The following CARMIL1 variants were observed in gnomAD, a reference collection of about 807,000 sequenced individuals.
CARMIL1 encodes the protein capping protein regulator and myosin 1 linker 1.
A neutral mutation model predicts 177.1 loss-of-function variants in CARMIL1; 90 were observed. The observed-to-expected ratio is 0.51, with a 90% CI of 0.43 to 0.61. CARMIL1 has a LOEUF of 0.61. CARMIL1 is among the 20% of genes least tolerant of loss of function. The pLI is 0.00. For synonymous variants in CARMIL1, 577 were observed against 606.2 expected, an observed-to-expected ratio of 0.95 and a Z score of 0.71; for missense variants, 1,380 against 1,667.0, an observed-to-expected ratio of 0.83 and a Z score of 3.00.
chr6:25,330,873 T>C (rs949327416), intron 2 of CARMIL1, among the ~76,000 whole-genome samples: 1 of 147,730 alleles, frequency 6.8e-6, no homozygotes, highest in Non-Finnish European at 1.5e-5. Context: ...TTTTGCTGCT[T>C]TACATTTTCA....
intron 36 of CARMIL1, among the ~76,000 whole-genome samples, chr6:25,616,816 A>T (rs1371739874): frequency 3.9e-5 from 6 of 152,180 alleles, no homozygotes; most frequent in Admixed American, 3.9e-4. Flanking sequence ...CACATTAGGG[A>T]TCTGGACTAA....
At chr6:25,503,035 C>A (rs376889802) in intron 17 of CARMIL1, among the ~76,000 whole-genome samples, 4 of 152,168 alleles carry the variant, frequency 2.6e-5, no homozygotes, top group African/African-American at 7.2e-5. Context: ...TCAAAAATTG[C>A]AGACTATTGG....
chr6:25,355,519 C>A (rs1035736110), intron 2 of CARMIL1, among the ~76,000 whole-genome samples: 1 of 152,074 alleles, frequency 6.6e-6, no homozygotes, highest in Non-Finnish European at 1.5e-5. Flanking sequence ...GTGGTGTGCA[C>A]CTGCTACTGC....
chr6:25,469,574 G>A (rs1439262697), intron 9 of CARMIL1, among the ~76,000 whole-genome samples: 1 of 152,034 alleles, frequency 6.6e-6, no homozygotes, highest in Admixed American at 6.6e-5. Context: ...GTTTGCATGT[G>A]TGAAACGGGG....
intron 2 of CARMIL1, among the ~76,000 whole-genome samples, chr6:25,323,444 A>C (rs1422647218): frequency 1.1e-4 from 16 of 150,550 alleles, no homozygotes; most frequent in African/African-American, 3.9e-4. Flanking sequence ...AAAAAAAGGC[A>C]AAAAACCCCC....
intron 36 of CARMIL1, 112 bp downstream of exon 36, chr6:25,610,293 C>A: frequency 8.0e-7 from 1 of 1,248,764 alleles, no homozygotes; most frequent in South Asian, 2.5e-5. Flanking sequence ...TTGTTAAAGT[C>A]AACATTGCTT....
At chr6:25,452,001 C>CCCCCCCCCCCA in intron 8 of CARMIL1, 3 of 232,314 alleles carry the variant, frequency 1.3e-5, no homozygotes, top group Non-Finnish European at 8.8e-6. Context: ...CCCCTCCCCC[C>CCCCCCCCCCCA]CCCAGAATAC....
In CARMIL1 at chr6:25,500,171, T is replaced by G. The variant is rs1403942951; in HGVS notation, c.1331T>G (p.Leu444Arg). The G allele has an allele frequency of 6.2e-7, 1 of 1,613,972 alleles. No homozygotes were observed. The highest frequency in any genetic ancestry group is 8.5e-7 in the Non-Finnish European group (1 of 1,179,850). Reference sequence around the variant, plus strand: ...TGTGTGTTTCCTCCCCTCAGAGCACTGTTATTGGGCCTGGCTTGTAATCAT... The same window carrying G: ...TGTGTGTTTCCTCCCCTCAGAGCACGGTTATTGGGCCTGGCTTGTAATCAT... Reference protein sequence around the residue: ...TKLSPEPLKALLLGLACNHNL... With the variant: ...TKLSPEPLKARLLGLACNHNL... Residue 444 changes from leucine (L) to arginine (R), a missense_variant, in exon 17 of 37, where the codon CTG becomes CGG. Physicochemically the swap from Leu to Arg is moderately radical, Grantham distance 102. Coordinates refer to ENST00000329474, the MANE Select transcript of CARMIL1 (RefSeq NM_017640.6).
chr6:25,562,422 A>G (rs1413380991), intron 29 of CARMIL1, among the ~76,000 whole-genome samples: 1 of 151,486 alleles, frequency 6.6e-6, no homozygotes, highest in Non-Finnish European at 1.5e-5. Flanking sequence ...TAATTTTTGT[A>G]TTTTTTAGTA....
At chr6:25,587,023 AGGGAGACTGGGGAAAGGGAGAGGGAGG>A (rs1813814719) in intron 31 of CARMIL1, among the ~76,000 whole-genome samples, 1 of 101,746 alleles carries the variant, frequency 9.8e-6, no homozygotes, top group South Asian at 4.0e-4. Flanking sequence ...GGAGAGGGAG[AGGGAGACTGGGGAAAGGGAGAGGGAGG>A]GGGAGGGGGA....
chr6:25,381,204 T>A (rs1377076248), intron 2 of CARMIL1, among the ~76,000 whole-genome samples: 1 of 152,214 alleles, frequency 6.6e-6, no homozygotes, highest in Non-Finnish European at 1.5e-5. Flanking sequence ...TGCAGAAGGT[T>A]ATCTCTTAAT....
At chr6:25,575,426 C>G (rs185436535) in intron 29 of CARMIL1, among the ~76,000 whole-genome samples, 1 of 152,078 alleles carries the variant, frequency 6.6e-6, no homozygotes, top group African/African-American at 2.4e-5. Flanking sequence ...ATAATTGGGA[C>G]AGACTACTTT....
At chr6:25,354,531 A>G (rs1017297912) in intron 2 of CARMIL1, among the ~76,000 whole-genome samples, 18 of 152,048 alleles carry the variant, frequency 1.2e-4, no homozygotes, top group African/African-American at 4.3e-4. Context: ...TTGCCCCTTC[A>G]TGTTTTCAGC....
chr6:25,600,673 T>C lies in CARMIL1; in HGVS notation c.3479T>C (p.Val1160Ala). ...SSPQAGRRYG[V>A]QVMGSGLLAE... ...CCACAGGCAGGGCGGAGGTATGGGG[T>C]CCAGGTGATGGGCAGTGGTCTGCTG... Residue 1160 changes from valine (V) to alanine (A), a missense_variant, in exon 33 of 37, where the codon GTC becomes GCC. Transcript: ENST00000329474. The C allele has an allele frequency of 6.2e-7, 1 of 1,608,634 alleles. No homozygotes were observed. Among genetic ancestry groups the C allele is most frequent in the Non-Finnish European group, 8.5e-7 (1 of 1,177,354 alleles).
intron 11 of CARMIL1, among the ~76,000 whole-genome samples, chr6:25,480,727 T>C (rs1266827648): frequency 6.9e-6 from 1 of 145,142 alleles, no homozygotes; most frequent in African/African-American, 2.6e-5. Context: ...ACTATTTGTT[T>C]CCTTTTTTTT....
At position 25,368,085 on chromosome 6, in the gene CARMIL1, G is replaced by C. The variant is rs148757728; in HGVS notation, c.139-52029G>C. On this transcript the variant is annotated intron_variant, in intron 2 of 36. Coordinates refer to ENST00000329474, the MANE Select transcript of CARMIL1 (RefSeq NM_017640.6). ...GCATTCAGACCTTTCCACGTCAGCT[G>C]AACTATCAGTAAAATTCTGAGCACA... Among the ~76,000 whole-genome samples, 693 of 152,292 alleles carry C rather than the reference G, an allele frequency of 4.6e-3. 8 individuals are homozygous for C. Among genetic ancestry groups the C allele is most frequent in the African/African-American group, 0.015 (627 of 41,574 alleles).
chr6:25,524,823 C>CGT, intron 23 of CARMIL1, among the ~76,000 whole-genome samples: 1 of 152,076 alleles, frequency 6.6e-6, no homozygotes, highest in East Asian at 1.9e-4. Context: ...GATAAGAAAC[C>CGT]TGTAACAGAA....
chr6:25,365,243 G>A (rs1789651076), intron 2 of CARMIL1, among the ~76,000 whole-genome samples: 1 of 152,182 alleles, frequency 6.6e-6, no homozygotes, highest in African/African-American at 2.4e-5. Context: ...AAATGATGAG[G>A]ATGGTTGTAG....
At chr6:25,561,836 T>C (rs1054373264) in intron 29 of CARMIL1, among the ~76,000 whole-genome samples, 6 of 152,190 alleles carry the variant, frequency 3.9e-5, no homozygotes, top group Non-Finnish European at 7.3e-5. Context: ...AATTTTCTCA[T>C]AATTTTATTC....
Sources: gnomAD v4.1 joint callset for allele counts (sites outside exome capture counted in the v4.1 genomes callset) on GRCh38, gnomAD v4.1.1 for gene constraint, MANE v1.5 for transcripts, NCBI Gene and HGNC (gene_info 2026-07-23, HGNC 2026-07-21) for gene names.